SLC43A1: variants seen among roughly 807,000 people sequenced by gnomAD.
The protein encoded by SLC43A1 is large neutral amino acids transporter small subunit 3.
A neutral mutation model predicts 59.5 loss-of-function variants in SLC43A1; 31 were observed. The observed-to-expected ratio is 0.52, with a 90% confidence interval of 0.39 to 0.70. The LOEUF is 0.70. Among genes scored for constraint, SLC43A1 ranks in the 30% least tolerant of loss-of-function variants. The pLI is 0.00. For synonymous variants in SLC43A1, 259 were observed against 290.9 expected (o/e 0.89, Z 1.12); for missense variants, 598 against 717.8 (o/e 0.83, Z 1.91).
chr11:57,512,459 G>A (rs1329595671), intron 2 of SLC43A1, among the ~76,000 whole-genome samples: 7 of 151,756 alleles, frequency 4.6e-5, no homozygotes, highest in Non-Finnish European at 7.4e-5. Context: ...AGACGTGCTC[G>A]CGTGAACCCA....
rs186188550 is a variant in SLC43A1 at position 57,511,149 on chromosome 11, C to T, written c.154+2809G>A. ...CATTAAAAACTTTACAAGGGCTAGG[C>T]GGGGTGGCTCACACCTATAATCCCA... On this transcript the variant is annotated intron_variant, in intron 2 of 14. Transcript: ENST00000278426. 1.2e-4 allele frequency among the ~76,000 whole-genome samples: 18 copies of T among 151,732 alleles called. No individual in the cohort carries two copies. In the East Asian group the frequency reaches 1.4e-3, roughly 12 times the overall value.
At chr11:57,489,190 T>G in intron 12 of SLC43A1, 61 bp downstream of exon 12, 1 of 1,597,492 alleles carries the variant, frequency 6.3e-7, no homozygotes, top group Non-Finnish European at 8.6e-7. Flanking sequence ...AGGTGCTGGA[T>G]GGACCATCCC....
At chr11:57,492,427 A>T (rs1943936259) in intron 8 of SLC43A1, among the ~76,000 whole-genome samples, 1 of 135,656 alleles carries the variant, frequency 7.4e-6, no homozygotes, top group Non-Finnish European at 1.5e-5. Flanking sequence ...CCTATCTCTA[A>T]AAAATATATA....
At chr11:57,498,686 A>G (rs765991953) in intron 5 of SLC43A1, among the ~76,000 whole-genome samples, 4 of 152,110 alleles carry the variant, frequency 2.6e-5, no homozygotes, top group Non-Finnish European at 5.9e-5. Flanking sequence ...CCTAATCAGG[A>G]CAAATCACAT....
chr11:57,511,905 G>C (rs916032440), intron 2 of SLC43A1, among the ~76,000 whole-genome samples: 6 of 152,106 alleles, frequency 3.9e-5, no homozygotes, highest in African/African-American at 1.2e-4. Flanking sequence ...TAGTGCTTGG[G>C]GGCAGAGGTG....
chr11:57,498,079 T>C (rs1944141978), intron 5 of SLC43A1, among the ~76,000 whole-genome samples: 1 of 152,120 alleles, frequency 6.6e-6, no homozygotes, highest in Non-Finnish European at 1.5e-5. Flanking sequence ...GTTAATTTTG[T>C]TTAATTCCAG....
intron 2 of SLC43A1, among the ~76,000 whole-genome samples, chr11:57,506,173 C>A (rs1274656032): frequency 6.6e-6 from 1 of 152,050 alleles, no homozygotes; most frequent in Non-Finnish European, 1.5e-5. Context: ...TAGTGAGACC[C>A]CATCTATACA....
chr11:57,490,977 A>G (rs1943880151), intron 11 of SLC43A1, among the ~76,000 whole-genome samples: 2 of 152,210 alleles, frequency 1.3e-5, no homozygotes, highest in African/African-American at 4.8e-5. Flanking sequence ...TACCTCAAAG[A>G]GGTGTTGTAG....
intron 8 of SLC43A1, 24 bp downstream of exon 8, chr11:57,493,969 C>T: frequency 3.8e-6 from 6 of 1,561,150 alleles, no homozygotes; most frequent in Non-Finnish European, 5.2e-6. Flanking sequence ...TCCCCCAAGG[C>T]CGGCACCTTG....
chr11:57,502,772 T>G (rs1590769963), intron 2 of SLC43A1, among the ~76,000 whole-genome samples: 1 of 147,772 alleles, frequency 6.8e-6, no homozygotes, highest in African/African-American at 2.5e-5. Flanking sequence ...TACCTGGGAG[T>G]CTGAGGTGGG....
chr11:57,489,675 T>C (rs528467084), intron 11 of SLC43A1, among the ~76,000 whole-genome samples: 6 of 152,352 alleles, frequency 3.9e-5, no homozygotes. Context: ...CGGGGATATC[T>C]GCAAATCTGC....
At position 57,496,293 on chromosome 11, in the gene SLC43A1, G is replaced by A. The variant is rs929377227; in HGVS notation, c.559-129C>T. ...TTGTCCTTGTGCCCAATTTGCAGAT[G>A]AGGAAACCAAGACCAGAAGTTTAGA... On this transcript the variant is annotated intron_variant, in intron 6 of 14. Coordinates refer to ENST00000278426, the MANE Select transcript of SLC43A1 (RefSeq NM_003627.6). 1.3e-5 allele frequency: 14 copies of A among 1,061,030 alleles called. No individual in the cohort carries two copies. The Admixed American group carries it at 3.3e-4, about 25-fold the overall frequency. 65.7% of individuals were successfully genotyped at this position (1,061,030 alleles called of 1,614,324 possible). A position where few individuals can be genotyped will look rare whatever the true frequency, so the allele number is the denominator to read the frequency against.
chr11:57,503,202 C>T (rs1162058239), intron 2 of SLC43A1, among the ~76,000 whole-genome samples: 2 of 151,922 alleles, frequency 1.3e-5, no homozygotes, highest in East Asian at 3.9e-4. Context: ...TCAGACACCT[C>T]CAGGAAGCAC....
At chr11:57,503,646 G>T (rs995028206) in intron 2 of SLC43A1, among the ~76,000 whole-genome samples, 2 of 152,066 alleles carry the variant, frequency 1.3e-5, no homozygotes, top group African/African-American at 2.4e-5. Flanking sequence ...ATCTGCATTG[G>T]TTTATTCATT....
intron 8 of SLC43A1, among the ~76,000 whole-genome samples, chr11:57,493,267 C>G (rs1943987512): frequency 6.6e-6 from 1 of 152,158 alleles, no homozygotes. Flanking sequence ...CCATGTTGCC[C>G]TCTGAGAATC....
intron 5 of SLC43A1, among the ~76,000 whole-genome samples, chr11:57,498,826 C>G (rs1318733148): frequency 6.6e-6 from 1 of 152,180 alleles, no homozygotes; most frequent in Non-Finnish European, 1.5e-5. Flanking sequence ...ATGTGTTCCA[C>G]TCACCTGCCT....
At chr11:57,504,679 T>C (rs1175681005) in intron 2 of SLC43A1, among the ~76,000 whole-genome samples, 3 of 152,188 alleles carry the variant, frequency 2.0e-5, no homozygotes, top group Admixed American at 6.5e-5. Context: ...AGTCAACAGT[T>C]TTCCACTGCA....
At chr11:57,491,566 C>T (rs768766003) in intron 10 of SLC43A1, 25 bp downstream of exon 10, 2 of 1,613,806 alleles carry the variant, frequency 1.2e-6, no homozygotes, top group Non-Finnish European at 1.7e-6. Context: ...GGGCGTGAGC[C>T]AGGGCCCTGC....
At chr11:57,503,704 A>G (rs1944325775) in intron 2 of SLC43A1, among the ~76,000 whole-genome samples, 1 of 152,186 alleles carries the variant, frequency 6.6e-6, no homozygotes, top group South Asian at 2.1e-4. Context: ...CTGTGCTGGG[A>G]CAATGCGTAA....
Sources: allele counts gnomAD v4.1 joint callset (sites outside exome capture counted in the v4.1 genomes callset), GRCh38; gene constraint gnomAD v4.1.1; transcripts MANE v1.5; gene names NCBI Gene and HGNC (gene_info 2026-07-23, HGNC 2026-07-21).